FGD1: variants seen among roughly 807,000 people sequenced by gnomAD.
FGD1 encodes the protein FYVE, RhoGEF and PH domain containing 1.
FGD1 carries 12 observed loss-of-function variants against 65.0 expected under a neutral mutation model. The ratio of observed to expected loss-of-function variants is 0.18; its 90% CI spans 0.12 to 0.30. The LOEUF (loss-of-function observed/expected upper bound fraction) is 0.30. FGD1 is among the 10% of genes least tolerant of loss of function. FGD1 has a pLI of 1.00. For missense variants in FGD1, 542 were observed against 837.6 expected (o/e 0.65, Z 4.36); for synonymous variants, 333 against 343.9 (o/e 0.97, Z 0.35).
At chrX:54,462,765 CTTTT>C (rs1181178139) in intron 8 of FGD1, among the ~76,000 whole-genome samples, 1 of 83,839 alleles carries the variant, frequency 1.2e-5, no homozygotes. Flanking sequence ...GCTGCTCCTT[CTTTT>C]TTTTTTTTTT....
At chrX:54,494,887 G>A (rs1427016258) in intron 1 of FGD1, among the ~76,000 whole-genome samples, 1 of 111,316 alleles carries the variant, frequency 9.0e-6, no homozygotes, top group African/African-American at 3.3e-5. Flanking sequence ...AGACAGAGGA[G>A]AAGGGGGTTG....
intron 17 of FGD1, among the ~76,000 whole-genome samples, 187 bp downstream of exon 17, chrX:54,447,124 A>G (rs756157024): frequency 9.0e-6 from 1 of 111,712 alleles, no homozygotes; most frequent in Non-Finnish European, 1.9e-5. Context: ...TTTTCCCTAC[A>G]TACCACAACC....
At position 54,447,547 on chromosome X, in the gene FGD1, C is replaced by T; in HGVS notation, c.2437-93G>A. The T allele has an allele frequency of 4.2e-6, 4 of 953,349 alleles. No homozygotes were observed. The South Asian group carries it at 8.3e-5, about 20-fold the overall frequency. 78.6% of individuals were successfully genotyped at this position (953,349 alleles called of 1,213,427 possible). On this transcript the variant is annotated intron_variant, in intron 16 of 17. Transcript: ENST00000375135. ...CCTCCTCAGTGTAGGGACTGCTATT[C>T]CTATCTCAGATGAAGACGCTCAAGC...
intron 5 of FGD1, among the ~76,000 whole-genome samples, chrX:54,468,191 G>T (rs953550261): frequency 2.7e-5 from 3 of 111,782 alleles, no homozygotes; most frequent in Admixed American, 9.5e-5. Flanking sequence ...ACTCAAGTGC[G>T]AGGGTGCCTT....
At chrX:54,478,039 A>G (rs1259126457) in intron 1 of FGD1, among the ~76,000 whole-genome samples, 1 of 110,365 alleles carries the variant, frequency 9.1e-6, no homozygotes, top group Non-Finnish European at 1.9e-5. Context: ...AATGGCTTGA[A>G]CCCGGGAGGC....
chrX:54,461,324 C>T (rs946408259), intron 8 of FGD1, among the ~76,000 whole-genome samples: 3 of 109,752 alleles, frequency 2.7e-5, no homozygotes, highest in Admixed American at 2.0e-4. Context: ...GGTCGTTGGC[C>T]GGGCACGGTG....
chrX:54,475,895 G>A (rs1923006656), intron 1 of FGD1, among the ~76,000 whole-genome samples: 1 of 111,564 alleles, frequency 9.0e-6, no homozygotes, highest in African/African-American at 3.3e-5. Flanking sequence ...GGAGAAACCC[G>A]ATCTCTACTA....
chrX:54,494,864 C>T (rs754711497), intron 1 of FGD1, among the ~76,000 whole-genome samples: 1 of 111,241 alleles, frequency 9.0e-6, no homozygotes, highest in Non-Finnish European at 1.9e-5. Context: ...CTCCCTCTCC[C>T]ATTAGCCTCA....
At chrX:54,472,678 C>T (rs1190682923) in intron 1 of FGD1, among the ~76,000 whole-genome samples, 3 of 111,160 alleles carry the variant, frequency 2.7e-5, no homozygotes, top group Non-Finnish European at 5.7e-5. Context: ...GTGGGAGTGC[C>T]TCAAATGATA....
intron 6 of FGD1, among the ~76,000 whole-genome samples, chrX:54,466,898 C>G (rs766852312): frequency 9.2e-6 from 1 of 108,189 alleles, no homozygotes; most frequent in Admixed American, 9.9e-5. Flanking sequence ...TACAGGCGCC[C>G]GCCACCATGC....
At chrX:54,451,634 G>A (rs1456213406) in intron 12 of FGD1, among the ~76,000 whole-genome samples, 2 of 107,197 alleles carry the variant, frequency 1.9e-5, no homozygotes, top group South Asian at 4.3e-4. Flanking sequence ...CAGGTGCAGC[G>A]GCTCATGCCT....
At chrX:54,487,596 CTA>C (rs1923307749) in intron 1 of FGD1, among the ~76,000 whole-genome samples, 1 of 112,579 alleles carries the variant, frequency 8.9e-6, no homozygotes, top group African/African-American at 3.2e-5. Flanking sequence ...TTTTAAAAAA[CTA>C]TTTAAAAATT....
At chrX:54,484,011 C>T (rs1923216477) in intron 1 of FGD1, among the ~76,000 whole-genome samples, 1 of 111,913 alleles carries the variant, frequency 8.9e-6, no homozygotes, top group Admixed American at 9.5e-5. Flanking sequence ...TCCCTTCAGC[C>T]TTGTGAAGGG....
Position 54,446,262 on chromosome X carries a change from G to A in FGD1, c.2733C>T (p.Arg911=). ...CCGCCCGGCCAAGCACAGCCATCCAGCGTCGCTGTAGTTCCTCTGTCTCAG... is the reference window on the plus strand; with the variant it reads ...CCGCCCGGCCAAGCACAGCCATCCAACGTCGCTGTAGTTCCTCTGTCTCAG... The part of the protein sequence containing the change: ...FSPETEELQR[R]WMAVLGRAGR... Residue 911 remains arginine (R), a synonymous_variant, in exon 18 of 18, where the codon CGC becomes CGT. Coordinates refer to ENST00000375135, the MANE Select transcript of FGD1 (RefSeq NM_004463.3). The A allele has an allele frequency of 8.3e-7, 1 of 1,212,107 alleles. No individual in the cohort carries two copies. The highest frequency in any genetic ancestry group is 1.1e-6 in the Non-Finnish European group (1 of 895,539).
In FGD1 at chrX:54,449,705, A is replaced by G. The variant is rs1475744969; in HGVS notation, c.2102T>C (p.Leu701Ser). 2.5e-6 allele frequency: 3 copies of G among 1,206,767 alleles called. No individual in the cohort carries two copies. The highest frequency in any genetic ancestry group is 3.4e-6 in the Non-Finnish European group (3 of 893,140). The change falls in exon 14 of 18, where the codon TTG (leucine) becomes TCG (serine). Residue 701 changes from leucine to serine, a missense_variant. Physicochemically the swap from Leu to Ser is moderately radical, Grantham distance 145. This residue lies in a region of FGD1 where 182 missense variants were observed against 311.4 expected (regional missense o/e 0.58). Coordinates refer to ENST00000375135, the MANE Select transcript of FGD1 (RefSeq NM_004463.3). ...TTCATCTTCCCTGTTTGTTGAGTTC[A>G]ACAGTTTGAAAGTCTCCAGCGTCTG... The part of the protein sequence containing the change: ...HEQTLETFKL[L>S]NSTNREDEDT...
chrX:54,474,208 C>T (rs1227618508), intron 1 of FGD1, among the ~76,000 whole-genome samples: 4 of 111,888 alleles, frequency 3.6e-5, no homozygotes, highest in Non-Finnish European at 5.6e-5. Flanking sequence ...GGAATACACA[C>T]ACTGTGGGAC....
In FGD1 at chrX:54,496,052, A is replaced by G. The variant is rs1923536714; in HGVS notation, c.-620T>C. The G allele has an allele frequency of 9.0e-6, 1 of 111,730 alleles. No individual in the cohort carries two copies. The highest frequency in any genetic ancestry group is 3.3e-5 in the African/African-American group (1 of 30,730). The allele number at this position is 111,730 out of a possible 1,213,427, so 9.2% of individuals were successfully genotyped here. On this transcript the variant is annotated 5_prime_UTR_variant, in exon 1 of 18. Coordinates refer to ENST00000375135, the MANE Select transcript of FGD1 (RefSeq NM_004463.3). ...TGGGCTGCGGGGCTCGCCTTCAGCC[A>G]GTAGTCCCAGACGATGCTCCAGCCG... is the stretch of plus-strand genomic sequence containing the variant.
At chrX:54,494,524 A>G (rs1297895007) in intron 1 of FGD1, among the ~76,000 whole-genome samples, 1 of 107,386 alleles carries the variant, frequency 9.3e-6, no homozygotes, top group Non-Finnish European at 1.9e-5. Context: ...AGTTTGGGGA[A>G]GCAGAAAGAC....
intron 17 of FGD1, 46 bp from the exon 18 acceptor site, chrX:54,446,460 T>C: frequency 1.1e-5 from 12 of 1,129,962 alleles, no homozygotes; most frequent in Non-Finnish European, 1.4e-5. Flanking sequence ...GGGCTAGACC[T>C]TTCCCCCGCC....
Sources: allele counts gnomAD v4.1 joint callset (sites outside exome capture counted in the v4.1 genomes callset), GRCh38; gene constraint gnomAD v4.1.1; regional missense constraint gnomAD v4.1.1; transcripts MANE v1.5; gene names NCBI Gene and HGNC (gene_info 2026-07-23, HGNC 2026-07-21).